PARP8: variants seen among roughly 807,000 people sequenced by gnomAD.
The protein encoded by PARP8 is poly(ADP-ribose) polymerase family member 8.
PARP8 carries 51 observed loss-of-function variants against 124.1 expected under a neutral mutation model. That is an observed-to-expected ratio of 0.41 (90% CI 0.33 to 0.52). PARP8 has a LOEUF of 0.52. Ranked by LOEUF, PARP8 falls within the 20% of genes least tolerant of loss-of-function variation. The pLI is 0.21. For synonymous variants in PARP8, 391 were observed against 361.5 expected, an observed-to-expected ratio of 1.08 and a Z score of -0.93; for missense variants, 860 against 1,018.9, an observed-to-expected ratio of 0.84 and a Z score of 2.12.
At chr5:50,763,102 A>T (rs1245570044) in intron 6 of PARP8, 46 bp from the exon 7 acceptor site, 1 of 1,481,090 alleles carries the variant, frequency 6.8e-7, no homozygotes, top group South Asian at 1.1e-5. Context: ...TAAGTTTTTG[A>T]TTCTGTTCAC....
intron 7 of PARP8, among the ~76,000 whole-genome samples, chr5:50,765,612 T>C (rs1760983227): frequency 6.6e-6 from 1 of 152,240 alleles, no homozygotes; most frequent in Admixed American, 6.5e-5. Flanking sequence ...TTTGATCCAG[T>C]TTAAATCTTA....
intron 25 of PARP8, among the ~76,000 whole-genome samples, chr5:50,837,595 CAA>C: frequency 6.6e-6 from 1 of 151,732 alleles, no homozygotes; most frequent in African/African-American, 2.4e-5. Flanking sequence ...TATCAGGTAA[CAA>C]TATTAAAAAT....
chr5:50,754,150 T>TATATATATATATATATACACACAC (rs1312947286), intron 3 of PARP8, among the ~76,000 whole-genome samples: 1 of 37,224 alleles, frequency 2.7e-5, no homozygotes, highest in African/African-American at 1.2e-4. Context: ...TATATATATA[T>TATATATATATATATATACACACAC]ACACACACAC....
intron 2 of PARP8, among the ~76,000 whole-genome samples, chr5:50,691,202 CT>C (rs1337666617): frequency 6.6e-6 from 1 of 152,194 alleles, no homozygotes; most frequent in African/African-American, 2.4e-5. Flanking sequence ...TAAAACCTCT[CT>C]GGTTTCCCCA....
chr5:50,777,973 A>G (rs1403882819), intron 7 of PARP8, 96 bp from the exon 8 acceptor site: 1 of 868,528 alleles, frequency 1.2e-6, no homozygotes, highest in Admixed American at 2.6e-5. Context: ...CAAGGATGAG[A>G]ATTAGTGATT....
At position 50,781,883 on chromosome 5, in the gene PARP8, T is replaced by A. The variant is rs371444738; in HGVS notation, c.670+3233T>A. ...ACTTTCCCTGGATTTGTACCCTTGCTTGGCTTTTTCTCTTTTCCTATCTAC... is the reference window on the plus strand; with the variant it reads ...ACTTTCCCTGGATTTGTACCCTTGCATGGCTTTTTCTCTTTTCCTATCTAC... On this transcript the variant is annotated intron_variant, in intron 9 of 25. Coordinates refer to ENST00000281631, the MANE Select transcript of PARP8 (RefSeq NM_024615.4). Among the ~76,000 whole-genome samples the A allele has an allele frequency of 9.8e-5, 15 of 152,322 alleles. No homozygotes were observed. The South Asian group carries it at 2.7e-3, about 27-fold the overall frequency.
At chr5:50,835,881 G>T (rs1747524694) in intron 25 of PARP8, among the ~76,000 whole-genome samples, 1 of 152,078 alleles carries the variant, frequency 6.6e-6, no homozygotes, top group Non-Finnish European at 1.5e-5. Context: ...TCTACCCTTG[G>T]CTTCCAACCC....
intron 7 of PARP8, among the ~76,000 whole-genome samples, chr5:50,771,105 A>C (rs154139): frequency 0.62 from 92,912 of 148,960 alleles, 29,700 homozygotes; most frequent in African/African-American, 0.78. Flanking sequence ...CTCTCTCTCT[A>C]TATATATATA....
intron 2 of PARP8, among the ~76,000 whole-genome samples, chr5:50,745,388 T>C (rs1312348281): frequency 6.6e-6 from 1 of 152,244 alleles, no homozygotes; most frequent in African/African-American, 2.4e-5. Context: ...ACTCAGCACC[T>C]GCTGTTATGT....
intron 20 of PARP8, 103 bp from the exon 21 acceptor site, chr5:50,828,209 C>A: frequency 8.0e-7 from 1 of 1,251,158 alleles, no homozygotes; most frequent in Non-Finnish European, 1.2e-6. Flanking sequence ...CTTGATTTGG[C>A]AATCCAGAAC....
chr5:50,824,229 C>G (rs1190316594), intron 17 of PARP8, among the ~76,000 whole-genome samples: 1 of 152,146 alleles, frequency 6.6e-6, no homozygotes, highest in Admixed American at 6.5e-5. Flanking sequence ...AGTAGTGGCC[C>G]TCACAAGCTT....
intron 7 of PARP8, among the ~76,000 whole-genome samples, chr5:50,771,494 A>G (rs1761625914): frequency 6.6e-6 from 1 of 152,024 alleles, no homozygotes; most frequent in Non-Finnish European, 1.5e-5. Context: ...AGGACAGAGA[A>G]AGCACACAGG....
chr5:50,812,222 AT>A (rs1744539261), intron 14 of PARP8, among the ~76,000 whole-genome samples: 1 of 152,196 alleles, frequency 6.6e-6, no homozygotes, highest in Non-Finnish European at 1.5e-5. Context: ...GAGTAAAAAC[AT>A]TCCAGTTTCT....
intron 7 of PARP8, among the ~76,000 whole-genome samples, chr5:50,775,644 A>AT (rs1488728029): frequency 6.6e-6 from 1 of 152,068 alleles, no homozygotes; most frequent in Admixed American, 6.5e-5. Flanking sequence ...TATGTATTTT[A>AT]TTTTTCATAG....
At chr5:50,773,308 G>A (rs990206649) in intron 7 of PARP8, among the ~76,000 whole-genome samples, 30 of 152,104 alleles carry the variant, frequency 2.0e-4, no homozygotes, top group African/African-American at 7.2e-4. Flanking sequence ...TATATTTTTG[G>A]GTCTTACATT....
intron 24 of PARP8, among the ~76,000 whole-genome samples, chr5:50,834,323 T>G (rs1397728366): frequency 6.6e-6 from 1 of 152,168 alleles, no homozygotes; most frequent in Non-Finnish European, 1.5e-5. Flanking sequence ...GTAATGCTTA[T>G]CTCTTTAGTT....
At chr5:50,791,305 T>C (rs1030988064) in intron 10 of PARP8, among the ~76,000 whole-genome samples, 1 of 152,166 alleles carries the variant, frequency 6.6e-6, no homozygotes, top group African/African-American at 2.4e-5. Flanking sequence ...ACAACAACTC[T>C]ATGAAACAGG....
intron 10 of PARP8, among the ~76,000 whole-genome samples, chr5:50,791,575 A>AT (rs1384513717): frequency 2.0e-5 from 3 of 152,124 alleles, no homozygotes; most frequent in Admixed American, 2.0e-4. Context: ...ATATTTATGT[A>AT]TTTTCTCATG....
chr5:50,797,297 A>C (rs1395099096), intron 14 of PARP8, 64 bp downstream of exon 14: 3 of 1,162,468 alleles, frequency 2.6e-6, no homozygotes, highest in Non-Finnish European at 3.6e-6. Flanking sequence ...AAAGATTTGA[A>C]ATATAAAAAT....
Sources: allele counts gnomAD v4.1 joint callset (sites outside exome capture counted in the v4.1 genomes callset), GRCh38; gene constraint gnomAD v4.1.1; transcripts MANE v1.5; gene names NCBI Gene and HGNC (gene_info 2026-07-23, HGNC 2026-07-21).